NPR3: variants seen among roughly 807,000 people sequenced by gnomAD.
The protein encoded by NPR3 is natriuretic peptide receptor 3.
Under a neutral mutation model 54.5 loss-of-function variants are expected in NPR3, and 34 were observed. The ratio of observed to expected loss-of-function variants is 0.62; its 90% CI spans 0.47 to 0.83. NPR3 has a LOEUF of 0.83. Among genes scored for constraint, NPR3 ranks in the 40% least tolerant of loss-of-function variants. The pLI is 0.00. For missense variants in NPR3, 674 were observed against 720.8 expected, an observed-to-expected ratio of 0.94 and a Z score of 0.74; for synonymous variants, 289 against 297.1, an observed-to-expected ratio of 0.97 and a Z score of 0.28.
At chr5:32,691,376 A>G (rs939413375) in intron 1 of NPR3, among the ~76,000 whole-genome samples, 11 of 152,338 alleles carry the variant, frequency 7.2e-5, no homozygotes, top group East Asian at 5.8e-4. Flanking sequence ...CAATTATTCA[A>G]TGTATCACAT....
At position 32,788,608 on chromosome 5, in the gene NPR3, C is replaced by G. The variant is rs1181923474; in HGVS notation, c.*2263C>G. ...AGTCTTTGAGTATAAACATTTCTAA[C>G]CTTTTTAAAACTTCTATAGCAGCCC... On this transcript the variant is annotated 3_prime_UTR_variant, in exon 8 of 8. Coordinates refer to ENST00000265074, the MANE Select transcript of NPR3 (RefSeq NM_001204375.2). The G allele has an allele frequency of 6.6e-6, 1 of 152,164 alleles. No individual in the cohort carries two copies. The highest frequency in any genetic ancestry group is 1.5e-5 in the Non-Finnish European group (1 of 68,026). 9.4% of individuals were successfully genotyped at this position (152,164 alleles called of 1,614,324 possible). A position where few individuals can be genotyped will look rare whatever the true frequency, so the allele number is the denominator to read the frequency against.
intron 7 of NPR3, among the ~76,000 whole-genome samples, 181 bp from the exon 8 acceptor site, chr5:32,786,052 CT>C (rs1742599080): frequency 6.6e-6 from 1 of 152,208 alleles, no homozygotes; most frequent in Admixed American, 6.5e-5. Context: ...CCAATTTTCT[CT>C]CTTGAATAAG....
intron 2 of NPR3, among the ~76,000 whole-genome samples, chr5:32,726,755 C>G (rs1298848220): frequency 6.6e-6 from 1 of 152,108 alleles, no homozygotes; most frequent in Non-Finnish European, 1.5e-5. Flanking sequence ...ATTTAGAAAA[C>G]ATAGAAAAGC....
At chr5:32,718,759 GGGGTTT>G (rs1169936682) in intron 1 of NPR3, among the ~76,000 whole-genome samples, 6 of 152,168 alleles carry the variant, frequency 3.9e-5, no homozygotes, top group Non-Finnish European at 8.8e-5. Flanking sequence ...CTGAGACAAT[GGGGTTT>G]TCTAAATATA....
chr5:32,697,777 T>A (rs1740568072), intron 1 of NPR3, among the ~76,000 whole-genome samples: 1 of 152,186 alleles, frequency 6.6e-6, no homozygotes, highest in Admixed American at 6.5e-5. Context: ...TTTATTGGCA[T>A]ATGGCTGCTT....
rs920073098 is a variant in NPR3 at position 32,791,060 on chromosome 5, T to C, written c.*4715T>C. The C allele has an allele frequency of 3.0e-5, 5 of 167,112 alleles. No homozygotes were observed. Among genetic ancestry groups the C allele is most frequent in the African/African-American group, 9.6e-5 (4 of 41,458 alleles). 10.4% of individuals were successfully genotyped at this position (167,112 alleles called of 1,614,324 possible). Reference sequence around the variant, plus strand: ...AGAACAAAGCTGTCACGGTGCATGATAGTTGGACAGAGATGGCTAAAAAAG... The same window carrying C: ...AGAACAAAGCTGTCACGGTGCATGACAGTTGGACAGAGATGGCTAAAAAAG... On this transcript the variant is annotated 3_prime_UTR_variant, in exon 8 of 8. Coordinates refer to ENST00000265074, the MANE Select transcript of NPR3 (RefSeq NM_001204375.2).
intron 1 of NPR3, among the ~76,000 whole-genome samples, chr5:32,714,077 C>T (rs184520637): frequency 2.6e-5 from 4 of 152,388 alleles, no homozygotes; most frequent in African/African-American, 9.6e-5. Context: ...GGTGTCTGCG[C>T]CCCGGGCTGC....
chr5:32,710,892 A>ATG (rs1172730482), upstream of NPR3: 237 of 849,962 alleles, frequency 2.8e-4, no homozygotes, highest in African/African-American at 3.3e-4. Flanking sequence ...GTGTGTGTGT[A>ATG]TATGTGTGTG....
chr5:32,738,808 AT>A, intron 2 of NPR3, 55 bp from the exon 3 acceptor site: 1 of 1,516,300 alleles, frequency 6.6e-7, no homozygotes, highest in Non-Finnish European at 9.0e-7. Flanking sequence ...TGAAGGGAGA[AT>A]GGCCTCTTTA....
intron 3 of NPR3, among the ~76,000 whole-genome samples, chr5:32,761,381 G>T (rs1741151703): frequency 6.6e-6 from 1 of 152,062 alleles, no homozygotes; most frequent in Admixed American, 6.6e-5. Context: ...TCTGTGTAAA[G>T]ATCCTGCACA....
chr5:32,730,872 C>A (rs1412923889), intron 2 of NPR3, among the ~76,000 whole-genome samples: 1 of 152,156 alleles, frequency 6.6e-6, no homozygotes, highest in Non-Finnish European at 1.5e-5. Flanking sequence ...GAAGACTCAA[C>A]ATGGTAAAGA....
rs1294623845 is a variant in NPR3 at position 32,788,854 on chromosome 5, C to CT, written c.*2516dup. ...TGCTTATTTACATGTCAGTCATCTA[C>CT]TTTTTTTCTTTGAAATCTGCATATG... On this transcript the variant is annotated 3_prime_UTR_variant, in exon 8 of 8. Transcript: ENST00000265074. 1 of 152,166 alleles carries CT rather than the reference C, an allele frequency of 6.6e-6. No individual in the cohort carries two copies. Among genetic ancestry groups the CT allele is most frequent in the Non-Finnish European group, 1.5e-5 (1 of 68,048 alleles). 9.4% of individuals were successfully genotyped at this position (152,166 alleles called of 1,614,324 possible). A position where few individuals can be genotyped will look rare whatever the true frequency, so the allele number is the denominator to read the frequency against.
chr5:32,757,013 A>G (rs901200934), intron 3 of NPR3, among the ~76,000 whole-genome samples: 10 of 152,114 alleles, frequency 6.6e-5, no homozygotes, highest in Non-Finnish European at 1.5e-4. Context: ...GTAGCCTTGT[A>G]GTATAGTTTG....
In NPR3 at chr5:32,774,758, G is replaced by A. The variant is rs776354565; in HGVS notation, c.1110G>A (p.Leu370=). The A allele has an allele frequency of 1.9e-6, 3 of 1,606,018 alleles. No homozygotes were observed. The highest frequency in any genetic ancestry group is 2.6e-6 in the Non-Finnish European group (3 of 1,172,664). ...GFHDAILLYV[L]ALHEVLRAGY... Reference sequence around the variant, plus strand: ...ACGATGCCATCCTCCTCTACGTCTTGGCTCTACATGAAGTACTCAGAGCTG... The same window carrying A: ...ACGATGCCATCCTCCTCTACGTCTTAGCTCTACATGAAGTACTCAGAGCTG... The change falls in exon 4 of 8, where the codon TTG becomes TTA. Residue 370 remains leucine, a synonymous_variant. Transcript: ENST00000265074.
chr5:32,767,846 C>G (rs549315985), intron 3 of NPR3, among the ~76,000 whole-genome samples: 1 of 152,048 alleles, frequency 6.6e-6, no homozygotes, highest in Non-Finnish European at 1.5e-5. Flanking sequence ...GGAAGCTGTC[C>G]GAAGTTCTCA....
intron 1 of NPR3, among the ~76,000 whole-genome samples, chr5:32,720,912 T>C (rs545073540): frequency 6.6e-6 from 1 of 152,334 alleles, no homozygotes; most frequent in South Asian, 2.1e-4. Context: ...GTGCTTATTA[T>C]GATAAATATG....
chr5:32,749,698 C>G (rs1300644818), intron 3 of NPR3, among the ~76,000 whole-genome samples: 1 of 152,170 alleles, frequency 6.6e-6, no homozygotes, highest in Non-Finnish European at 1.5e-5. Flanking sequence ...AAAGTCTCAC[C>G]TTTAGGACTG....
rs1288109183 is a variant in NPR3 at position 32,770,996 on chromosome 5, T to TCCTTTCAG, written c.1060-3708_1060-3701dup. On this transcript the variant is annotated intron_variant, in intron 3 of 7. Transcript: ENST00000265074. ...CAGGGGACATACCAGCTGACCTTGT[T>TCCTTTCAG]CCTTTCAGCCTGGAGGGCCAATAGG... Among the ~76,000 whole-genome samples the TCCTTTCAG allele has an allele frequency of 2.0e-5, 3 of 152,162 alleles. No individual in the cohort carries two copies. The South Asian group carries it at 6.2e-4, about 32-fold the overall frequency.
intron 5 of NPR3, among the ~76,000 whole-genome samples, chr5:32,782,042 G>C (rs1344576645): frequency 1.3e-5 from 2 of 152,088 alleles, no homozygotes; most frequent in Non-Finnish European, 2.9e-5. Context: ...TTAGGGAGCT[G>C]ATCCAACAAT....
Sources: gnomAD v4.1 joint callset for allele counts (sites outside exome capture counted in the v4.1 genomes callset) on GRCh38, gnomAD v4.1.1 for gene constraint, MANE v1.5 for transcripts, NCBI Gene and HGNC (gene_info 2026-07-23, HGNC 2026-07-21) for gene names.